The following RGL1 variants were observed in gnomAD, a reference collection of about 807,000 sequenced individuals.
RGL1 encodes the protein ral guanine nucleotide dissociation stimulator-like 1.
A neutral mutation model predicts 95.2 loss-of-function variants in RGL1; 24 were observed. That is an observed-to-expected ratio of 0.25 (90% CI 0.18 to 0.35). RGL1 has a LOEUF of 0.35. Among genes scored for constraint, RGL1 ranks in the 10% least tolerant of loss-of-function variants. RGL1 has a pLI of 1.00. For missense variants in RGL1, 715 were observed against 936.3 expected (o/e 0.76, Z 3.08); for synonymous variants, 329 against 344.9 (o/e 0.95, Z 0.51).
chr1:183,675,104 A>G (rs988475587), intron 1 of RGL1, among the ~76,000 whole-genome samples: 1 of 152,314 alleles, frequency 6.6e-6, no homozygotes, highest in East Asian at 1.9e-4. Context: ...CATCAGAGCC[A>G]ATCATAGTGC....
rs560378291 is a variant in RGL1 at position 183,793,424 on chromosome 1, A to G, written c.133-12951A>G. On this transcript the variant is annotated intron_variant, in intron 2 of 18. Coordinates refer to the RGL1 transcript ENST00000304685. Reference sequence around the variant, plus strand: ...ACAGAAACAAAAATAGATAAGTGGGACTATATTAAACTAAAAACCTCTGTA... The same window carrying G: ...ACAGAAACAAAAATAGATAAGTGGGGCTATATTAAACTAAAAACCTCTGTA... Among the ~76,000 whole-genome samples the G allele has an allele frequency of 3.3e-5, 5 of 152,324 alleles. No individual in the cohort carries two copies. The East Asian group carries it at 9.6e-4, about 29-fold the overall frequency.
At chr1:183,652,451 G>A (rs1005579482) in intron 1 of RGL1, among the ~76,000 whole-genome samples, 5 of 152,050 alleles carry the variant, frequency 3.3e-5, no homozygotes, top group African/African-American at 1.2e-4. Context: ...AGTCTTTCTG[G>A]GCTTGTTCTT....
chr1:183,662,316 T>A lies in RGL1; in HGVS notation c.-33+25815T>A, dbSNP rs906358971. Among the ~76,000 whole-genome samples, 76 of 151,356 alleles carry A rather than the reference T, an allele frequency of 5.0e-4. 1 individual carries two copies. Among genetic ancestry groups the A allele is most frequent in the Middle Eastern group, 3.4e-3 (1 of 294 alleles). ...TGATTGTATATCTAGAAAACCCCATTGTCTCAGCCCAAAATCTCCTTAAGC... is the reference window on the plus strand; with the variant it reads ...TGATTGTATATCTAGAAAACCCCATAGTCTCAGCCCAAAATCTCCTTAAGC... On this transcript the variant is annotated intron_variant, in intron 1 of 18. Transcript: ENST00000304685.
intron 10 of RGL1, among the ~76,000 whole-genome samples, chr1:183,898,639 C>T (rs58836744): frequency 0.33 from 50,375 of 152,022 alleles, 8,782 homozygotes; most frequent in East Asian, 0.49. Context: ...AGGACTCTTC[C>T]GCAACATGAA....
chr1:183,835,110 T>C (rs1173993744), intron 2 of RGL1, among the ~76,000 whole-genome samples: 3 of 152,238 alleles, frequency 2.0e-5, no homozygotes, highest in Non-Finnish European at 4.4e-5. Flanking sequence ...TTACATAAAA[T>C]TTTGATCATT....
intron 2 of RGL1, among the ~76,000 whole-genome samples, chr1:183,808,401 A>G (rs1344983393): frequency 1.3e-5 from 2 of 152,198 alleles, no homozygotes; most frequent in Non-Finnish European, 2.9e-5. Flanking sequence ...CCCCATTTCA[A>G]CAAAGTGTGA....
At chr1:183,637,843 C>A (rs956420122) in intron 1 of RGL1, among the ~76,000 whole-genome samples, 5 of 152,078 alleles carry the variant, frequency 3.3e-5, no homozygotes, top group Non-Finnish European at 5.9e-5. Flanking sequence ...AAGCCATATA[C>A]CAAAGTATAA....
At chr1:183,890,910 C>T (rs1158643069) in intron 8 of RGL1, among the ~76,000 whole-genome samples, 1 of 152,040 alleles carries the variant, frequency 6.6e-6, no homozygotes, top group African/African-American at 2.4e-5. Context: ...CTGCACAACT[C>T]TGTGAATATA....
At chr1:183,744,707 C>T (rs2102265043) in intron 2 of RGL1, among the ~76,000 whole-genome samples, 1 of 151,946 alleles carries the variant, frequency 6.6e-6, no homozygotes, top group South Asian at 2.1e-4. Context: ...TTTTTTGTTT[C>T]TATTTTTATG....
At chr1:183,780,624 G>C (rs1452567278) in intron 2 of RGL1, among the ~76,000 whole-genome samples, 1 of 152,168 alleles carries the variant, frequency 6.6e-6, no homozygotes, top group Non-Finnish European at 1.5e-5. Flanking sequence ...TATTTTATAG[G>C]ATTTGTATAC....
chr1:183,707,464 G>A (rs1452791479), intron 1 of RGL1, among the ~76,000 whole-genome samples: 4 of 152,208 alleles, frequency 2.6e-5, no homozygotes, highest in Non-Finnish European at 5.9e-5. Flanking sequence ...GGGCACTCTA[G>A]CACAGGCGCT....
intron 2 of RGL1, among the ~76,000 whole-genome samples, chr1:183,747,643 T>C (rs1384528979): frequency 6.6e-6 from 1 of 152,170 alleles, no homozygotes; most frequent in Non-Finnish European, 1.5e-5. Context: ...CATTTATTGA[T>C]TTGCATATGT....
intron 1 of RGL1, among the ~76,000 whole-genome samples, 152 bp downstream of exon 1, chr1:183,805,476 T>C (rs1329344818): frequency 1.3e-5 from 2 of 151,914 alleles, no homozygotes; most frequent in Non-Finnish European, 2.9e-5. Flanking sequence ...TTTGTATTCC[T>C]CTCTCTCTGC....
At chr1:183,840,795 G>C (rs1035948248) in intron 2 of RGL1, among the ~76,000 whole-genome samples, 7 of 152,112 alleles carry the variant, frequency 4.6e-5, no homozygotes, top group African/African-American at 7.2e-5. Context: ...GGGAGGCTGA[G>C]GTGGGAGGAA....
At chr1:183,903,267 T>C (rs757319989) in intron 12 of RGL1, among the ~76,000 whole-genome samples, 1 of 152,122 alleles carries the variant, frequency 6.6e-6, no homozygotes, top group Non-Finnish European at 1.5e-5. Flanking sequence ...GGAAAGGAAA[T>C]GGCCTTCGTC....
chr1:183,920,438 G>A (rs921582049), intron 16 of RGL1, among the ~76,000 whole-genome samples: 2 of 152,202 alleles, frequency 1.3e-5, no homozygotes, highest in African/African-American at 2.4e-5. Flanking sequence ...AAGGATGCAC[G>A]CTTGAGCTGT....
intron 16 of RGL1, among the ~76,000 whole-genome samples, chr1:183,920,078 G>A (rs924426587): frequency 2.7e-5 from 4 of 150,808 alleles, no homozygotes; most frequent in Admixed American, 1.3e-4. Flanking sequence ...ACTGTTGCCT[G>A]GGCTGGATTG....
At chr1:183,755,633 A>G (rs1658279190) in intron 2 of RGL1, among the ~76,000 whole-genome samples, 1 of 152,196 alleles carries the variant, frequency 6.6e-6, no homozygotes, top group African/African-American at 2.4e-5. Flanking sequence ...TCATTCAACT[A>G]TACATTTAAA....
intron 3 of RGL1, 101 bp downstream of exon 3, chr1:183,847,875 T>G (rs1664550661): frequency 1.2e-5 from 10 of 851,810 alleles, no homozygotes; most frequent in Non-Finnish European, 1.9e-5. Flanking sequence ...CGGAGAGAGA[T>G]ATGTGAGGAA....
Sources: gnomAD v4.1 joint callset for allele counts (sites outside exome capture counted in the v4.1 genomes callset) on GRCh38, gnomAD v4.1.1 for gene constraint, MANE v1.5 for transcripts, NCBI Gene and HGNC (gene_info 2026-07-23, HGNC 2026-07-21) for gene names.